TMEM114: variants seen among roughly 807,000 people sequenced by gnomAD.
TMEM114 encodes the protein claudin-26.
Under a neutral mutation model 6.2 loss-of-function variants are expected in TMEM114, and 6 were observed. That is an observed-to-expected ratio of 0.97 (90% CI 0.53 to 1.91). The LOEUF (loss-of-function observed/expected upper bound fraction) is 1.91. TMEM114 is among the 40% of genes most tolerant of loss of function. TMEM114 has a pLI of 0.01. For missense variants in TMEM114, 218 were observed against 158.3 expected, an observed-to-expected ratio of 1.38 and a Z score of -2.02; for synonymous variants, 104 against 73.0, an observed-to-expected ratio of 1.42 and a Z score of -2.16.
chr16:8,580,601 T>G (rs763513301), intron 2 of TMEM114, among the ~76,000 whole-genome samples: 6 of 152,172 alleles, frequency 3.9e-5, no homozygotes, highest in Non-Finnish European at 8.8e-5. Context: ...TGACTCAGTG[T>G]GCATCTTCCC....
At chr16:8,541,120 T>C (rs1237317661) in intron 2 of TMEM114, among the ~76,000 whole-genome samples, 2 of 152,144 alleles carry the variant, frequency 1.3e-5, no homozygotes, top group African/African-American at 4.8e-5. Context: ...CAATCATATA[T>C]TGAACTCTTG....
intron 2 of TMEM114, among the ~76,000 whole-genome samples, chr16:8,573,139 T>C (rs1901792185): frequency 6.6e-6 from 1 of 152,138 alleles, no homozygotes; most frequent in African/African-American, 2.4e-5. Flanking sequence ...AAAAAGCTTT[T>C]TGGGGGAGCA....
chr16:8,560,767 C>T (rs948947781), intron 2 of TMEM114, among the ~76,000 whole-genome samples: 1 of 152,134 alleles, frequency 6.6e-6, no homozygotes, highest in Non-Finnish European at 1.5e-5. Flanking sequence ...CCCATCAGCC[C>T]CAACGTTCAC....
chr16:8,574,848 A>G (rs1901863434), intron 2 of TMEM114, among the ~76,000 whole-genome samples: 1 of 152,172 alleles, frequency 6.6e-6, no homozygotes, highest in African/African-American at 2.4e-5. Flanking sequence ...GGTAAGAGCA[A>G]GCCACCCAGG....
chr16:8,546,394 G>C (rs1900665711), intron 2 of TMEM114, among the ~76,000 whole-genome samples: 1 of 152,140 alleles, frequency 6.6e-6, no homozygotes, highest in African/African-American at 2.4e-5. Flanking sequence ...GTTTACCTGA[G>C]ACACTGAATG....
intron 2 of TMEM114, among the ~76,000 whole-genome samples, chr16:8,550,554 T>G (rs1900807633): frequency 6.6e-6 from 1 of 151,976 alleles, no homozygotes; most frequent in African/African-American, 2.4e-5. Context: ...GGTGCATGCC[T>G]GTAATCCCAG....
intron 2 of TMEM114, among the ~76,000 whole-genome samples, chr16:8,560,651 C>G (rs1046820300): frequency 3.9e-5 from 6 of 152,072 alleles, no homozygotes; most frequent in African/African-American, 1.2e-4. Flanking sequence ...CAGCCTCTAC[C>G]AGAGCAAGTC....
chr16:8,562,708 ATGAG>A (rs1388303351), intron 2 of TMEM114, among the ~76,000 whole-genome samples: 33 of 146,840 alleles, frequency 2.2e-4, no homozygotes, highest in African/African-American at 7.0e-4. Context: ...GAGTGAGTAA[ATGAG>A]TGAGTGAGGG....
At chr16:8,577,370 C>T (rs138874638) in intron 2 of TMEM114, among the ~76,000 whole-genome samples, 66 of 152,344 alleles carry the variant, frequency 4.3e-4, no homozygotes, top group African/African-American at 1.5e-3. Context: ...CACCTCAGTT[C>T]TGTCATTCCC....
At position 8,572,136 on chromosome 16, in the gene TMEM114, G is replaced by C. The variant is rs1421330918; in HGVS notation, c.390C>G (p.Leu130=). Residue 130 remains leucine (L), a synonymous_variant, in exon 3 of 4, where the codon CTC becomes CTG. Coordinates refer to ENST00000620492, the MANE Select transcript of TMEM114 (RefSeq NM_001146336.2). ...TGAGCAGGAGGAGGAGGTAGGCTTG[G>C]AGGAGGAAGCTCAGAAACCCCGTCA... ...GGMTGFLSFL[L]QAYLLLLLTG... 1 of 1,551,552 alleles carries C rather than the reference G, an allele frequency of 6.4e-7. No homozygotes were observed. Among genetic ancestry groups the C allele is most frequent in the East Asian group, 2.4e-5 (1 of 40,908 alleles).
rs1364001831 is a variant in TMEM114, at chr16:8,570,004, G to C, written c.441C>G (p.Ala147=). 1 of 1,548,014 alleles carries C rather than the reference G, an allele frequency of 6.5e-7. No homozygotes were observed. The highest frequency in any genetic ancestry group is 1.2e-5 in the South Asian group (1 of 83,962). ...LLTGILFLFG[A]MVTLAGISVY... ...CGCTGATCCCAGCGAGGGTCACCAT[G>C]GCTGCAGGGAGGGCAAAGGGAGAGC... Residue 147 remains alanine (A), a splice_region_variant and synonymous_variant, in exon 4 of 4, where the codon GCC becomes GCG. Transcript: ENST00000620492.
downstream of TMEM114, among the ~76,000 whole-genome samples, chr16:8,535,390 G>A (rs1340618559): frequency 6.6e-6 from 1 of 151,994 alleles, no homozygotes; most frequent in Non-Finnish European, 1.5e-5. Flanking sequence ...AGGAACCAGG[G>A]TACAGAGCTT....
At chr16:8,587,198 T>C (rs1422154820) in intron 2 of TMEM114, among the ~76,000 whole-genome samples, 1 of 152,214 alleles carries the variant, frequency 6.6e-6, no homozygotes, top group Non-Finnish European at 1.5e-5. Context: ...GAGAAACAGT[T>C]CTGGTTCACC....
intron 3 of TMEM114, among the ~76,000 whole-genome samples, chr16:8,571,417 A>G (rs539578919): frequency 6.6e-6 from 1 of 152,322 alleles, no homozygotes; most frequent in East Asian, 1.9e-4. Context: ...ACGGCCTCAC[A>G]TACTTAGCAT....
intron 2 of TMEM114, among the ~76,000 whole-genome samples, chr16:8,550,456 G>C (rs956161845): frequency 6.7e-6 from 1 of 149,824 alleles, no homozygotes; most frequent in African/African-American, 2.4e-5. Flanking sequence ...CAAGGCGGGC[G>C]GATGATGAGG....
At chr16:8,549,181 C>CAAAAAA (rs1216258524) in intron 2 of TMEM114, among the ~76,000 whole-genome samples, 5 of 49,300 alleles carry the variant, frequency 1.0e-4, no homozygotes, top group Non-Finnish European at 1.1e-4. Context: ...GACTCCATCT[C>CAAAAAA]AAAAAAAAAA....
chr16:8,553,367 C>G (rs1227310318), intron 2 of TMEM114, among the ~76,000 whole-genome samples: 3 of 152,190 alleles, frequency 2.0e-5, no homozygotes, highest in Admixed American at 2.0e-4. Flanking sequence ...GCTGTAGAGT[C>G]CAAAGAATCA....
intron 2 of TMEM114, among the ~76,000 whole-genome samples, chr16:8,556,276 C>T (rs1204246018): frequency 2.0e-5 from 3 of 152,198 alleles, no homozygotes; most frequent in Admixed American, 6.5e-5. Context: ...GCTGCTCCAG[C>T]CCATCACTCA....
chr16:8,569,918 G>C lies in TMEM114; in HGVS notation c.527C>G (p.Ala176Gly), dbSNP rs1481397008. The C allele has an allele frequency of 6.4e-7, 1 of 1,551,056 alleles. No homozygotes were observed. Among genetic ancestry groups the C allele is most frequent in the Admixed American group, 2.0e-5 (1 of 50,990 alleles). ...GCTGATGTCCACCTGGTCCAGGAGG[G>C]CCTTCTCCTCCAAGAGACACAGCGC... ...REALCLLEEKALLDQVDISFG... is the reference protein window; with the variant it reads ...REALCLLEEKGLLDQVDISFG... Residue 176 changes from alanine to glycine, a missense_variant, in exon 4 of 4, where the codon GCC (alanine) becomes GGC (glycine). By Grantham distance (60) the Ala-to-Gly change is moderately conservative (BLOSUM62 0). Coordinates refer to ENST00000620492, the MANE Select transcript of TMEM114 (RefSeq NM_001146336.2).
Sources: allele counts gnomAD v4.1 joint callset (sites outside exome capture counted in the v4.1 genomes callset), GRCh38; gene constraint gnomAD v4.1.1; transcripts MANE v1.5; gene names NCBI Gene and HGNC (gene_info 2026-07-23, HGNC 2026-07-21).